ARHGAP26: variants seen among roughly 807,000 people sequenced by gnomAD.
ARHGAP26 encodes Rho GTPase activating protein 26.
Under a neutral mutation model 104.8 loss-of-function variants are expected in ARHGAP26, and 38 were observed. The ratio of observed to expected loss-of-function variants is 0.36; its 90% CI spans 0.28 to 0.48. ARHGAP26 has a LOEUF of 0.48. Ranked by LOEUF, ARHGAP26 falls within the 20% of genes least tolerant of loss-of-function variation. ARHGAP26 has a pLI of 0.99. For synonymous variants in ARHGAP26, 341 were observed against 340.0 expected (o/e 1.00, Z -0.03); for missense variants, 704 against 947.9 (o/e 0.74, Z 3.38).
At chr5:142,963,703 C>A (rs1317546265) in intron 11 of ARHGAP26, among the ~76,000 whole-genome samples, 2 of 152,184 alleles carry the variant, frequency 1.3e-5, no homozygotes, top group African/African-American at 2.4e-5. Context: ...AAAATTAGCA[C>A]TTTCCCTCTT....
intron 22 of ARHGAP26, among the ~76,000 whole-genome samples, chr5:143,219,239 C>T (rs1423497327): frequency 6.6e-6 from 1 of 152,216 alleles, no homozygotes; most frequent in East Asian, 1.9e-4. Context: ...TTAATTTTCT[C>T]ATCTGCAAAA....
chr5:142,780,729 C>T (rs1025685040), intron 1 of ARHGAP26, among the ~76,000 whole-genome samples: 1 of 152,166 alleles, frequency 6.6e-6, no homozygotes, highest in Non-Finnish European at 1.5e-5. Flanking sequence ...GTGCGTGTAA[C>T]ATTCAGGAGA....
At position 143,056,009 on chromosome 5, in the gene ARHGAP26, C is replaced by G. The variant is rs746296309; in HGVS notation, c.1374-19C>G. Reference sequence around the variant, plus strand: ...TATTCTTATTATTAAGCTGACTAGCCTATCTCCTTTTCCTCCAGAATGCTT... The same window carrying G: ...TATTCTTATTATTAAGCTGACTAGCGTATCTCCTTTTCCTCCAGAATGCTT... On this transcript the variant is annotated intron_variant, in intron 15 of 22. Coordinates refer to ENST00000645722, the MANE Select transcript of ARHGAP26 (RefSeq NM_001135608.3). 4 of 1,600,296 alleles carry G rather than the reference C, an allele frequency of 2.5e-6. No homozygotes were observed. In the South Asian group the frequency reaches 4.4e-5, roughly 18 times the overall value.
chr5:142,939,512 T>G (rs1416883692), intron 11 of ARHGAP26, among the ~76,000 whole-genome samples: 1 of 152,252 alleles, frequency 6.6e-6, no homozygotes, highest in Non-Finnish European at 1.5e-5. Context: ...TCTAACCCCC[T>G]AGTCCTTCTA....
intron 11 of ARHGAP26, among the ~76,000 whole-genome samples, chr5:142,962,377 G>C (rs895822248): frequency 3.3e-5 from 5 of 152,134 alleles, no homozygotes; most frequent in Admixed American, 3.3e-4. Context: ...GCTGCTTTTG[G>C]TTTTTAACAA....
intron 10 of ARHGAP26, among the ~76,000 whole-genome samples, chr5:142,917,908 T>C (rs1339050158): frequency 6.6e-6 from 1 of 152,126 alleles, no homozygotes; most frequent in African/African-American, 2.4e-5. Flanking sequence ...GGAGATATCC[T>C]AGCAGTAGTA....
intron 11 of ARHGAP26, among the ~76,000 whole-genome samples, chr5:143,012,547 A>ATATG (rs1491527182): frequency 1.7e-5 from 1 of 57,766 alleles, no homozygotes; most frequent in Non-Finnish European, 4.7e-5. Flanking sequence ...TTATATACAT[A>ATATG]CATACATATA....
At chr5:143,173,851 A>G (rs1476037049) in intron 20 of ARHGAP26, among the ~76,000 whole-genome samples, 1 of 152,194 alleles carries the variant, frequency 6.6e-6, no homozygotes, top group Non-Finnish European at 1.5e-5. Context: ...TAAAAAATTT[A>G]CCCTGAAGAT....
intron 1 of ARHGAP26, among the ~76,000 whole-genome samples, chr5:142,828,209 T>C (rs182145773): frequency 2.0e-5 from 3 of 152,314 alleles, no homozygotes; most frequent in Admixed American, 6.5e-5. Flanking sequence ...GGATGAAGTA[T>C]CTGTTAAAAA....
intron 11 of ARHGAP26, chr5:142,969,233 G>T (rs1044592522): frequency 1.3e-5 from 2 of 152,202 alleles, no homozygotes; most frequent in Admixed American, 6.5e-5. Flanking sequence ...GAGCCACCAT[G>T]CCTGACCAAG....
intron 1 of ARHGAP26, among the ~76,000 whole-genome samples, chr5:142,851,693 C>T (rs567585279): frequency 6.6e-6 from 1 of 152,342 alleles, no homozygotes; most frequent in South Asian, 2.1e-4. Context: ...CCCTCCCTCC[C>T]GTTTTACACT....
Position 143,033,482 on chromosome 5 carries a change from C to A in ARHGAP26, c.1145-3714C>A, listed in dbSNP as rs555606918. ...TGCACTTCCTACAGTGCCACACACA[C>A]AAAAAAAGGTTCAATGACTGATTTG... is the stretch of plus-strand genomic sequence containing the variant. On this transcript the variant is annotated intron_variant, in intron 12 of 22. Coordinates refer to ENST00000645722, the MANE Select transcript of ARHGAP26 (RefSeq NM_001135608.3). Among the ~76,000 whole-genome samples the A allele has an allele frequency of 1.3e-4, 20 of 152,198 alleles. No homozygotes were observed. The East Asian group carries it at 2.9e-3, about 22-fold the overall frequency.
intron 1 of ARHGAP26, chr5:142,860,024 C>T (rs1753045483): frequency 6.6e-6 from 1 of 152,238 alleles, no homozygotes; most frequent in Non-Finnish European, 1.5e-5. Flanking sequence ...TTGAGTCTCA[C>T]TGAGCTCCCA....
chr5:142,792,454 G>A (rs1411017523), intron 1 of ARHGAP26, among the ~76,000 whole-genome samples: 2 of 152,164 alleles, frequency 1.3e-5, no homozygotes, highest in Non-Finnish European at 2.9e-5. Context: ...GAGAGAGAAG[G>A]AACAGCATCA....
At chr5:143,220,363 C>G (rs1353064888) in intron 22 of ARHGAP26, among the ~76,000 whole-genome samples, 1 of 152,234 alleles carries the variant, frequency 6.6e-6, no homozygotes, top group African/African-American at 2.4e-5. Context: ...GATCCAGGGT[C>G]TCCTACTGAC....
chr5:142,815,606 C>T (rs1764954481), intron 1 of ARHGAP26, among the ~76,000 whole-genome samples: 1 of 152,218 alleles, frequency 6.6e-6, no homozygotes, highest in African/African-American at 2.4e-5. Flanking sequence ...CCTTCTAGCA[C>T]CTTCCCCTGC....
chr5:142,975,847 C>T (rs990708972), intron 11 of ARHGAP26, among the ~76,000 whole-genome samples: 1 of 152,162 alleles, frequency 6.6e-6, no homozygotes, highest in African/African-American at 2.4e-5. Flanking sequence ...GTGTACCATA[C>T]ATGTATTTAT....
chr5:143,110,228 C>T (rs7709171), intron 17 of ARHGAP26, among the ~76,000 whole-genome samples: 120,994 of 152,210 alleles, frequency 0.79, 50,659 homozygotes, highest in Non-Finnish European at 0.92. Context: ...CTTTGCTTAT[C>T]GCCTGTCCTA....
At chr5:143,003,545 A>T (rs1381786023) in intron 11 of ARHGAP26, among the ~76,000 whole-genome samples, 1 of 152,200 alleles carries the variant, frequency 6.6e-6, no homozygotes, top group Non-Finnish European at 1.5e-5. Flanking sequence ...TGTAAAATTA[A>T]CCTTGATTGG....
Sources: gnomAD v4.1 joint callset for allele counts (sites outside exome capture counted in the v4.1 genomes callset) on GRCh38, gnomAD v4.1.1 for gene constraint, MANE v1.5 for transcripts, NCBI Gene and HGNC (gene_info 2026-07-23, HGNC 2026-07-21) for gene names.